Variants in NXPE2 observed in about 807,000 individuals in gnomAD.
NXPE2 encodes the protein NXPE family member 2.
A neutral mutation model predicts 34.4 loss-of-function variants in NXPE2; 34 were observed. The observed-to-expected ratio is 0.99, with a 90% CI of 0.75 to 1.31. The LOEUF (loss-of-function observed/expected upper bound fraction) is 1.31. NXPE2 is among the 40% of genes most tolerant of loss of function. NXPE2 has a pLI of 0.00. For missense variants in NXPE2, 649 were observed against 672.5 expected, an observed-to-expected ratio of 0.97 and a Z score of 0.39; for synonymous variants, 235 against 231.3, an observed-to-expected ratio of 1.02 and a Z score of -0.15.
At chr11:114,590,796 C>G in the NXPE2 span, among the ~76,000 whole-genome samples, 1 of 152,180 alleles carries the variant, frequency 6.6e-6, no homozygotes, top group Non-Finnish European at 1.5e-5. Context: ...TGGAGGTCAT[C>G]AAATTAACCC....
At chr11:114,719,141 T>G in the NXPE2 span, among the ~76,000 whole-genome samples, 5 of 152,212 alleles carry the variant, frequency 3.3e-5, no homozygotes, top group Admixed American at 2.6e-4. Flanking sequence ...TTCAATTATA[T>G]CCTCAAACCT....
chr11:114,609,014 C>T, the NXPE2 span, among the ~76,000 whole-genome samples: 2 of 151,694 alleles, frequency 1.3e-5, no homozygotes, highest in Non-Finnish European at 2.9e-5. Context: ...ATAAGTGTTG[C>T]CTTGTGGGTA....
the NXPE2 span, among the ~76,000 whole-genome samples, chr11:114,542,112 T>C: frequency 6.6e-6 from 1 of 152,218 alleles, no homozygotes; most frequent in African/African-American, 2.4e-5. Flanking sequence ...ATGATTATTA[T>C]ATCTGCTTTG....
chr11:114,795,320 G>A, the NXPE2 span, among the ~76,000 whole-genome samples: 1 of 152,148 alleles, frequency 6.6e-6, no homozygotes, highest in Non-Finnish European at 1.5e-5. Context: ...AGTAGGGATT[G>A]GCTACCCTCC....
the NXPE2 span, among the ~76,000 whole-genome samples, chr11:114,725,992 T>TATATATATATATATATA: frequency 1.4e-5 from 2 of 140,032 alleles, no homozygotes; most frequent in African/African-American, 5.1e-5. Flanking sequence ...TATATATATA[T>TATATATATATATATATA]AAAAAGAAAA....
chr11:114,625,844 G>A, the NXPE2 span, among the ~76,000 whole-genome samples: 5 of 152,148 alleles, frequency 3.3e-5, no homozygotes, highest in Admixed American at 2.0e-4. Flanking sequence ...GAAGCATGGT[G>A]AGGCATTGCC....
the NXPE2 span, among the ~76,000 whole-genome samples, chr11:114,716,683 CGTTGCACAT>C: frequency 6.6e-6 from 1 of 152,174 alleles, no homozygotes; most frequent in African/African-American, 2.4e-5. Context: ...GTGACCTCAA[CGTTGCACAT>C]TCCACTGAGC....
chr11:114,750,223 TCA>T, the NXPE2 span, among the ~76,000 whole-genome samples: 3 of 152,184 alleles, frequency 2.0e-5, no homozygotes, highest in African/African-American at 7.2e-5. Flanking sequence ...GTGAAAGATC[TCA>T]CAGTTTCTTT....
the NXPE2 span, among the ~76,000 whole-genome samples, chr11:114,747,451 A>G: frequency 6.6e-6 from 1 of 151,892 alleles, no homozygotes; most frequent in Non-Finnish European, 1.5e-5. Context: ...CTCATGTATT[A>G]GTCCAGTTTT....
At chr11:114,524,249 A>C in the NXPE2 span, among the ~76,000 whole-genome samples, 1 of 140,766 alleles carries the variant, frequency 7.1e-6, no homozygotes. Context: ...GATATAAGAA[A>C]GGATAGCCAT....
At position 114,698,220 on chromosome 11, in the gene NXPE2, T is replaced by C. The variant is rs11215158; in HGVS notation, c.308T>C (p.Val103Ala). Residue 103 changes from valine (V) to alanine (A), a missense_variant, in exon 3 of 6, where the codon GTG becomes GCG. Physicochemically the swap from Val to Ala is moderately conservative, Grantham distance 64 (BLOSUM62 0). Coordinates refer to ENST00000389586, the MANE Select transcript of NXPE2 (RefSeq NM_182495.6). ...QQIPPRPFTH[V>A]NTTTSATHST... ...ATCCCACCCAGACCTTTCACCCATG[T>C]GAATACCACCACCAGTGCCACACAC... is the stretch of plus-strand genomic sequence containing the variant. 204,841 of 1,613,898 alleles carry C rather than the reference T, an allele frequency of 0.13. 13,885 individuals are homozygous for C. The highest frequency in any genetic ancestry group is 0.18 in the Middle Eastern group (1,077 of 6,062).
chr11:114,792,027 C>T, the NXPE2 span, among the ~76,000 whole-genome samples: 1 of 152,204 alleles, frequency 6.6e-6, no homozygotes, highest in East Asian at 1.9e-4. Flanking sequence ...CACTGCACTC[C>T]AGGCTGGGCG....
At chr11:114,793,571 T>G in the NXPE2 span, among the ~76,000 whole-genome samples, 1 of 152,184 alleles carries the variant, frequency 6.6e-6, no homozygotes, top group Non-Finnish European at 1.5e-5. Flanking sequence ...TAACCTGGCC[T>G]TCTGCGATGG....
At chr11:114,615,452 C>T in the NXPE2 span, among the ~76,000 whole-genome samples, 1 of 151,934 alleles carries the variant, frequency 6.6e-6, no homozygotes, top group African/African-American at 2.4e-5. Flanking sequence ...ACCACTGTTA[C>T]CCAGTGGATA....
At chr11:114,580,185 A>G in the NXPE2 span, 3 of 1,613,986 alleles carry the variant, frequency 1.9e-6, no homozygotes, top group East Asian at 2.2e-5. Context: ...GGAATCTCCC[A>G]TTAGGTATAT....
the NXPE2 span, among the ~76,000 whole-genome samples, chr11:114,563,360 G>T: frequency 6.6e-6 from 1 of 152,216 alleles, no homozygotes; most frequent in East Asian, 1.9e-4. Flanking sequence ...TTTACTTATT[G>T]ATTCATTCAT....
the NXPE2 span, among the ~76,000 whole-genome samples, chr11:114,558,856 C>G: frequency 6.6e-6 from 1 of 152,036 alleles, no homozygotes; most frequent in South Asian, 2.1e-4. Context: ...TCAGTCAGGT[C>G]CATAAAGAAT....
chr11:114,473,973 A>T, the NXPE2 span, among the ~76,000 whole-genome samples: 2 of 151,986 alleles, frequency 1.3e-5, no homozygotes, highest in African/African-American at 4.8e-5. Context: ...GGTGGGGTGG[A>T]GGGCAGGAAG....
the NXPE2 span, among the ~76,000 whole-genome samples, chr11:114,490,262 G>A: frequency 7.9e-5 from 12 of 152,268 alleles, no homozygotes; most frequent in African/African-American, 2.4e-4. Flanking sequence ...AATCAATATC[G>A]TGAAAATGGC....
Sources: allele counts gnomAD v4.1 joint callset (sites outside exome capture counted in the v4.1 genomes callset), GRCh38; gene constraint gnomAD v4.1.1; transcripts MANE v1.5; gene names NCBI Gene and HGNC (gene_info 2026-07-23, HGNC 2026-07-21).